Variants in CFAP61 observed in about 807,000 individuals in gnomAD.
CFAP61 encodes the protein cilia- and flagella-associated protein 61.
In CFAP61, 107 loss-of-function variants were observed where a neutral mutation model predicts 135.6. The ratio of observed to expected loss-of-function variants is 0.79; its 90% CI spans 0.67 to 0.93. The LOEUF is 0.93. Ranked by LOEUF, CFAP61 falls within the 40% of genes least tolerant of loss-of-function variation. CFAP61 has a pLI of 0.00. For synonymous variants in CFAP61, 575 were observed against 578.5 expected (o/e 0.99, Z 0.09); for missense variants, 1,507 against 1,556.2 (o/e 0.97, Z 0.53).
At chr20:20,324,852 T>C (rs944493290) in intron 25 of CFAP61, among the ~76,000 whole-genome samples, 3 of 152,250 alleles carry the variant, frequency 2.0e-5, no homozygotes, top group African/African-American at 7.2e-5. Context: ...TTTATTCTTC[T>C]GTGAATTGCG....
chr20:20,296,407 T>C (rs1246517427), intron 24 of CFAP61, among the ~76,000 whole-genome samples: 37 of 91,356 alleles, frequency 4.1e-4, no homozygotes, highest in South Asian at 1.0e-3. Context: ...GCCTTCCTTC[T>C]TTCTTTCTTT....
chr20:20,158,705 C>CA (rs1235838624), intron 9 of CFAP61, among the ~76,000 whole-genome samples: 1 of 152,098 alleles, frequency 6.6e-6, no homozygotes, highest in African/African-American at 2.4e-5. Flanking sequence ...ACTATAATGA[C>CA]AAAAATCATA....
chr20:20,197,742 A>G (rs938236391), intron 16 of CFAP61, among the ~76,000 whole-genome samples: 2 of 152,264 alleles, frequency 1.3e-5, no homozygotes, highest in Non-Finnish European at 2.9e-5. Flanking sequence ...TTGGTCTCTC[A>G]GTCACTGACA....
At chr20:20,290,537 C>T (rs943755059) in intron 24 of CFAP61, 146 bp downstream of exon 24, 49 of 639,030 alleles carry the variant, frequency 7.7e-5, no homozygotes, top group Non-Finnish European at 1.2e-4. Context: ...CAAGATGGCC[C>T]TTAGTGACTC....
At chr20:20,267,211 C>T (rs1391941977) in intron 21 of CFAP61, among the ~76,000 whole-genome samples, 1 of 152,000 alleles carries the variant, frequency 6.6e-6, no homozygotes, top group East Asian at 1.9e-4. Flanking sequence ...GAGAGAGAGG[C>T]TGGGGGAGTT....
chr20:20,360,638 A>G lies in CFAP61; in HGVS notation c.*228A>G. 2 of 569,042 alleles carry G rather than the reference A, an allele frequency of 3.5e-6. No individual in the cohort carries two copies. Among genetic ancestry groups the G allele is most frequent in the Non-Finnish European group, 6.2e-6 (2 of 322,274 alleles). 35.2% of individuals were successfully genotyped at this position (569,042 alleles called of 1,614,324 possible). Reference sequence around the variant, plus strand: ...GGGGCAGGCTCGCTTTACAAATCCCAGGCATGTTCCTGTGCAGAATAATCC... The same window carrying G: ...GGGGCAGGCTCGCTTTACAAATCCCGGGCATGTTCCTGTGCAGAATAATCC... On this transcript the variant is annotated 3_prime_UTR_variant, in exon 27 of 27. Transcript: ENST00000245957.
At chr20:20,181,172 T>TAC (rs1298971290) in intron 13 of CFAP61, among the ~76,000 whole-genome samples, 2 of 44,098 alleles carry the variant, frequency 4.5e-5, no homozygotes, top group East Asian at 2.4e-4. Context: ...GTTATATATA[T>TAC]ACACATATAT....
rs140835211 is a variant in CFAP61, at chr20:20,147,404, A to G, written c.951+4456A>G. On this transcript the variant is annotated intron_variant, in intron 9 of 26. Transcript: ENST00000245957. Reference sequence around the variant, plus strand: ...CCCTTTTCACCACATCCACACCAACATCTATTGTTTTTGATGTTTTAATTG... The same window carrying G: ...CCCTTTTCACCACATCCACACCAACGTCTATTGTTTTTGATGTTTTAATTG... Among the ~76,000 whole-genome samples, 97 of 152,298 alleles carry G rather than the reference A, an allele frequency of 6.4e-4. 1 individual carries two copies. Among genetic ancestry groups the G allele is most frequent in the Non-Finnish European group, 5.3e-4 (36 of 68,010 alleles).
At chr20:20,105,809 T>C (rs1466155445) in intron 8 of CFAP61, among the ~76,000 whole-genome samples, 1 of 13,950 alleles carries the variant, frequency 7.2e-5, no homozygotes, top group Non-Finnish European at 1.5e-4. Flanking sequence ...TTTTTTTGAG[T>C]TTTTTTTTTT....
intron 18 of CFAP61, among the ~76,000 whole-genome samples, chr20:20,229,983 C>A (rs552093394): frequency 1.3e-5 from 2 of 152,166 alleles, no homozygotes; most frequent in African/African-American, 4.8e-5. Context: ...CAACCATTTT[C>A]GAATGATGAA....
chr20:20,358,066 G>A lies in CFAP61; in HGVS notation c.3514-2144G>A, dbSNP rs546810981. ...AGGTGGTCATAGTGTGAGGGGAGGT[G>A]GTCACACTGAGGGGAGGTGGTCACA... On this transcript the variant is annotated intron_variant, in intron 26 of 26. Transcript: ENST00000245957. Among the ~76,000 whole-genome samples, 18 of 146,488 alleles carry A rather than the reference G, an allele frequency of 1.2e-4. No homozygotes were observed. The South Asian group carries it at 3.3e-3, about 27-fold the overall frequency.
At chr20:20,148,231 G>A (rs2052069628) in intron 9 of CFAP61, among the ~76,000 whole-genome samples, 1 of 152,110 alleles carries the variant, frequency 6.6e-6, no homozygotes, top group South Asian at 2.1e-4. Context: ...CTTTGGCTAT[G>A]CAGGCTCTTT....
intron 8 of CFAP61, among the ~76,000 whole-genome samples, chr20:20,132,289 G>A (rs780023176): frequency 4.8e-4 from 72 of 151,006 alleles, no homozygotes; most frequent in Admixed American, 1.8e-3. Flanking sequence ...ATAGTCTGTT[G>A]TATATATATA....
intron 6 of CFAP61, chr20:20,085,632 G>A (rs1371295153): frequency 1.5e-6 from 1 of 664,388 alleles, no homozygotes; most frequent in Non-Finnish European, 2.5e-6. Context: ...GATGTTTATA[G>A]CTACAGAGTA....
intron 22 of CFAP61, 61 bp downstream of exon 22, chr20:20,277,519 T>A: frequency 6.6e-7 from 1 of 1,505,304 alleles, no homozygotes; most frequent in Admixed American, 2.1e-5. Flanking sequence ...TCCAAGGGAT[T>A]TGGGGGTCTG....
intron 8 of CFAP61, among the ~76,000 whole-genome samples, chr20:20,115,145 A>G (rs4532023): frequency 0.66 from 99,756 of 151,532 alleles, 33,066 homozygotes; most frequent in East Asian, 0.83. Context: ...TTGCACCTAT[A>G]TTCATGAGTG....
intron 18 of CFAP61, among the ~76,000 whole-genome samples, chr20:20,233,129 G>T (rs1050153367): frequency 6.6e-6 from 1 of 152,192 alleles, no homozygotes. Context: ...TTATCGGGCC[G>T]TGCAGTTCCG....
chr20:20,347,820 C>A (rs1486230134), intron 26 of CFAP61, among the ~76,000 whole-genome samples: 2 of 151,438 alleles, frequency 1.3e-5, no homozygotes, highest in Non-Finnish European at 2.9e-5. Context: ...GTAATCCCAG[C>A]TACTCAGGAG....
At chr20:20,297,440 G>A (rs1038880944) in intron 24 of CFAP61, among the ~76,000 whole-genome samples, 1 of 152,154 alleles carries the variant, frequency 6.6e-6, no homozygotes, top group Admixed American at 6.5e-5. Flanking sequence ...TTTGTCTACA[G>A]AAGCTTCCCA....
Sources: allele counts gnomAD v4.1 joint callset (sites outside exome capture counted in the v4.1 genomes callset), GRCh38; gene constraint gnomAD v4.1.1; transcripts MANE v1.5; gene names NCBI Gene and HGNC (gene_info 2026-07-23, HGNC 2026-07-21).